ARK2C: variants seen among roughly 807,000 people sequenced by gnomAD.
ARK2C encodes E3 ubiquitin-protein ligase ARK2C.
chr18:46,361,626 T>A, the ARK2C span, among the ~76,000 whole-genome samples: 1 of 152,236 alleles, frequency 6.6e-6, no homozygotes, highest in Middle Eastern at 3.2e-3. Context: ...CTCAGTACTA[T>A]CATTCAATAT....
At chr18:46,367,231 G>A in the ARK2C span, among the ~76,000 whole-genome samples, 3 of 152,100 alleles carry the variant, frequency 2.0e-5, no homozygotes, top group East Asian at 3.8e-4. Context: ...ATTCTGCTCC[G>A]CCTCCCATCC....
chr18:46,347,519 G>T, the ARK2C span, among the ~76,000 whole-genome samples: 14 of 152,260 alleles, frequency 9.2e-5, no homozygotes, highest in African/African-American at 3.1e-4. Context: ...CCTCTGAAGC[G>T]GGCAACCCTC....
chr18:46,420,192 C>T, the ARK2C span, among the ~76,000 whole-genome samples: 2,448 of 152,272 alleles, frequency 0.016, 65 homozygotes, highest in African/African-American at 0.056. Context: ...CTCCTTAAAA[C>T]GTAACCACTC....
chr18:46,438,975 G>C, the ARK2C span, among the ~76,000 whole-genome samples: 1 of 152,236 alleles, frequency 6.6e-6, no homozygotes, highest in Admixed American at 6.5e-5. Flanking sequence ...GCTAAGAAGG[G>C]ATGGACTTGG....
the ARK2C span, among the ~76,000 whole-genome samples, chr18:46,369,600 A>G: frequency 6.6e-6 from 1 of 152,168 alleles, no homozygotes; most frequent in African/African-American, 2.4e-5. Flanking sequence ...CTAACACACA[A>G]TGTAGCCAGA....
At chr18:46,430,030 C>T in the ARK2C span, among the ~76,000 whole-genome samples, 1 of 152,214 alleles carries the variant, frequency 6.6e-6, no homozygotes, top group Non-Finnish European at 1.5e-5. Context: ...GGAATGGCTG[C>T]AGAGATCCCT....
chr18:46,379,734 C>A, the ARK2C span, among the ~76,000 whole-genome samples: 1 of 152,216 alleles, frequency 6.6e-6, no homozygotes, highest in Non-Finnish European at 1.5e-5. Flanking sequence ...CTTTCTGAAT[C>A]TAAAGCGACA....
At chr18:46,351,281 T>C in the ARK2C span, among the ~76,000 whole-genome samples, 1 of 152,144 alleles carries the variant, frequency 6.6e-6, no homozygotes, top group African/African-American at 2.4e-5. Context: ...AGCTCGGGAC[T>C]TCCCTCCAGT....
chr18:46,425,987 C>T, the ARK2C span, among the ~76,000 whole-genome samples: 1 of 152,138 alleles, frequency 6.6e-6, no homozygotes, highest in Non-Finnish European at 1.5e-5. Context: ...AAGCAGCAAG[C>T]CGGCTCTTTG....
the ARK2C span, among the ~76,000 whole-genome samples, chr18:46,390,456 G>T: frequency 6.6e-6 from 1 of 152,134 alleles, no homozygotes; most frequent in African/African-American, 2.4e-5. Flanking sequence ...TTTGAAGACG[G>T]GTCACTGCTT....
the ARK2C span, chr18:46,433,119 TG>T: frequency 2.5e-6 from 3 of 1,222,580 alleles, no homozygotes; most frequent in Non-Finnish European, 2.2e-6. Flanking sequence ...CTGCCCCGGG[TG>T]GGCACAAGGG....
the ARK2C span, among the ~76,000 whole-genome samples, chr18:46,432,509 G>T: frequency 6.6e-6 from 1 of 152,094 alleles, no homozygotes; most frequent in Non-Finnish European, 1.5e-5. Flanking sequence ...GCTTGGCTAG[G>T]CTGGACTAAC....
chr18:46,454,831 T>C, the ARK2C span, among the ~76,000 whole-genome samples: 7 of 152,224 alleles, frequency 4.6e-5, 1 homozygote, highest in South Asian at 1.0e-3. Flanking sequence ...GATGTGAACA[T>C]GAAAGGTGGG....
chr18:46,426,391 G>C, the ARK2C span, among the ~76,000 whole-genome samples: 2 of 152,062 alleles, frequency 1.3e-5, no homozygotes, highest in Non-Finnish European at 2.9e-5. Context: ...TCCCCTATGG[G>C]TTCTTCTGTC....
chr18:46,387,075 G>A, the ARK2C span: 1 of 152,430 alleles, frequency 6.6e-6, no homozygotes. Flanking sequence ...AGAGGCTGAG[G>A]AGAGTGCGCC....
At chr18:46,431,611 T>C in the ARK2C span, among the ~76,000 whole-genome samples, 16 of 152,206 alleles carry the variant, frequency 1.1e-4, no homozygotes, top group Admixed American at 8.5e-4. Context: ...AAGTTCCATA[T>C]TCAGACTTTC....
chr18:46,334,360 T>C, the ARK2C span: 3 of 1,576,180 alleles, frequency 1.9e-6, no homozygotes, highest in Admixed American at 5.4e-5. The surrounding 1 kb of genome is among the most constrained non-coding windows in gnomAD (Gnocchi z 4.4). Context: ...TTTCGGGGTC[T>C]GCTTCGGAGC....
the ARK2C span, among the ~76,000 whole-genome samples, chr18:46,397,020 G>A: frequency 5.3e-5 from 8 of 152,322 alleles, no homozygotes; most frequent in South Asian, 4.1e-4. Flanking sequence ...CTGGCTGTGC[G>A]AGCGTGGCCC....
the ARK2C span, among the ~76,000 whole-genome samples, chr18:46,360,046 A>T: frequency 6.6e-6 from 1 of 152,204 alleles, no homozygotes; most frequent in South Asian, 2.1e-4. Context: ...TACCATAGTC[A>T]TCATGTCCAG....
Sources: gnomAD v4.1 joint callset for allele counts (sites outside exome capture counted in the v4.1 genomes callset) on GRCh38, gnomAD v4.1.1 for gene constraint, Gnocchi (gnomAD v3.1) non-coding constraint, MANE v1.5 for transcripts, NCBI Gene and HGNC (gene_info 2026-07-23, HGNC 2026-07-21) for gene names.